ATG4C: variants seen among roughly 807,000 people sequenced by gnomAD.
ATG4C encodes autophagy related 4C cysteine peptidase.
Under a neutral mutation model 57.6 loss-of-function variants are expected in ATG4C, and 56 were observed. The ratio of observed to expected loss-of-function variants is 0.97; its 90% CI spans 0.78 to 1.21. ATG4C has a LOEUF of 1.21. ATG4C is among the 50% of genes most tolerant of loss of function. The probability of loss-of-function intolerance (pLI) is 0.00; values close to 1 mark genes in which losing one functional copy is unlikely to be tolerated. For missense variants in ATG4C, 595 were observed against 529.8 expected, an observed-to-expected ratio of 1.12 and a Z score of -1.21; for synonymous variants, 157 against 174.1, an observed-to-expected ratio of 0.90 and a Z score of 0.78.
At chr1:62,841,038 T>C (rs1360516188) in intron 9 of ATG4C, among the ~76,000 whole-genome samples, 1 of 152,208 alleles carries the variant, frequency 6.6e-6, no homozygotes, top group African/African-American at 2.4e-5. Flanking sequence ...TTATAAACAT[T>C]AACCCAAAAT....
At chr1:62,825,255 G>T (rs1318943538) in intron 6 of ATG4C, among the ~76,000 whole-genome samples, 1 of 140,012 alleles carries the variant, frequency 7.1e-6, no homozygotes, top group African/African-American at 2.7e-5. Flanking sequence ...AAAAAAAAAA[G>T]CATGAGCCGT....
chr1:62,828,075 G>T (rs7512529), intron 6 of ATG4C, among the ~76,000 whole-genome samples: 2 of 151,894 alleles, frequency 1.3e-5, no homozygotes, highest in African/African-American at 4.8e-5. Flanking sequence ...GGTTGATTCT[G>T]TGTCTTTGCT....
intron 10 of ATG4C, among the ~76,000 whole-genome samples, chr1:62,857,725 G>A (rs974509308): frequency 1.3e-5 from 2 of 151,942 alleles, no homozygotes; most frequent in African/African-American, 4.8e-5. Context: ...CACATGAGCC[G>A]GTTTTATTTT....
At chr1:62,846,939 G>T (rs1666342121) in intron 10 of ATG4C, among the ~76,000 whole-genome samples, 1 of 152,188 alleles carries the variant, frequency 6.6e-6, no homozygotes, top group South Asian at 2.1e-4. Context: ...CACTTTGGGA[G>T]GTCGAGGTGG....
chr1:62,803,092 C>T (rs1164450454), intron 1 of ATG4C, among the ~76,000 whole-genome samples: 1 of 152,148 alleles, frequency 6.6e-6, no homozygotes, highest in Non-Finnish European at 1.5e-5. Flanking sequence ...AGTAATAAAA[C>T]AGACACTTAT....
intron 3 of ATG4C, among the ~76,000 whole-genome samples, chr1:62,806,575 T>G (rs911121166): frequency 1.1e-4 from 16 of 152,026 alleles, no homozygotes; most frequent in Non-Finnish European, 1.6e-4. Context: ...AAGTAAATGA[T>G]AAAGAAGCTA....
At chr1:62,851,385 C>A (rs1452033514) in intron 10 of ATG4C, among the ~76,000 whole-genome samples, 1 of 152,116 alleles carries the variant, frequency 6.6e-6, no homozygotes, top group African/African-American at 2.4e-5. Context: ...CCAAAGAATA[C>A]CTCCTCAGGT....
chr1:62,838,204 T>C (rs751616206), intron 9 of ATG4C, among the ~76,000 whole-genome samples: 2 of 152,134 alleles, frequency 1.3e-5, no homozygotes, highest in Non-Finnish European at 2.9e-5. Context: ...TAAATGGGAA[T>C]TGATTCTCTC....
At chr1:62,850,134 A>G (rs1666459096) in intron 10 of ATG4C, among the ~76,000 whole-genome samples, 2 of 152,196 alleles carry the variant, frequency 1.3e-5, no homozygotes, top group African/African-American at 2.4e-5. Context: ...TTTGGTTACT[A>G]AATAAATGAC....
At position 62,818,871 on chromosome 1, in the gene ATG4C, T is replaced by C. The variant is rs186069096; in HGVS notation, c.395-134T>C. The C allele has an allele frequency of 4.0e-4, 264 of 663,504 alleles. No homozygotes were observed. In the African/African-American group the frequency reaches 4.5e-3, roughly 11 times the overall value. The allele number at this position is 663,504 out of a possible 1,614,324, so 41.1% of individuals were successfully genotyped here. ...AGCAACCATTAATCTACTTTTTGTTTCCATGTATTTACCTATTTTTGAATT... is the reference window on the plus strand; with the variant it reads ...AGCAACCATTAATCTACTTTTTGTTCCCATGTATTTACCTATTTTTGAATT... On this transcript the variant is annotated intron_variant, in intron 4 of 10. Transcript: ENST00000317868.
At chr1:62,812,318 T>TA (rs1665113869) in intron 3 of ATG4C, among the ~76,000 whole-genome samples, 1 of 152,162 alleles carries the variant, frequency 6.6e-6, no homozygotes, top group African/African-American at 2.4e-5. Flanking sequence ...TGGTTCAACA[T>TA]ACACAAATCA....
intron 9 of ATG4C, among the ~76,000 whole-genome samples, chr1:62,838,597 G>C (rs551724478): frequency 3.0e-4 from 46 of 152,142 alleles, no homozygotes; most frequent in African/African-American, 1.1e-3. Context: ...GGCCAACATG[G>C]TGAAACCCCG....
At chr1:62,785,886 G>GA (rs1227495249) in intron 1 of ATG4C, among the ~76,000 whole-genome samples, 1 of 151,772 alleles carries the variant, frequency 6.6e-6, no homozygotes, top group Non-Finnish European at 1.5e-5. Context: ...ATTTTTTATT[G>GA]AAAAAAATGA....
chr1:62,846,183 C>T (rs1666321454), intron 10 of ATG4C, among the ~76,000 whole-genome samples: 1 of 152,158 alleles, frequency 6.6e-6, no homozygotes, highest in Non-Finnish European at 1.5e-5. Flanking sequence ...GTCCATTGGT[C>T]GAATCTCAGA....
intron 5 of ATG4C, among the ~76,000 whole-genome samples, chr1:62,820,596 T>C (rs1484802636): frequency 1.3e-5 from 2 of 152,118 alleles, no homozygotes; most frequent in Non-Finnish European, 2.9e-5. Context: ...TTGAGAACAT[T>C]ATACTTAGGA....
chr1:62,847,980 C>G (rs1047575062), intron 10 of ATG4C, among the ~76,000 whole-genome samples: 5 of 152,164 alleles, frequency 3.3e-5, no homozygotes, highest in African/African-American at 1.2e-4. Flanking sequence ...GTCTAATCTT[C>G]TATTAATAAT....
rs1220586353 is a variant in ATG4C, at chr1:62,803,714, TA to T, written c.-68-2del. 10 of 1,040,932 alleles carry T rather than the reference TA, an allele frequency of 9.6e-6. No homozygotes were observed. Among genetic ancestry groups the T allele is most frequent in the Non-Finnish European group, 1.4e-5 (10 of 712,140 alleles). The allele number at this position is 1,040,932 out of a possible 1,614,324, so 64.5% of individuals were successfully genotyped here. A position where few individuals can be genotyped will look rare whatever the true frequency, so the allele number is the denominator to read the frequency against. On this transcript the variant is annotated splice_polypyrimidine_tract_variant and splice_region_variant and intron_variant, in intron 1 of 10. Transcript: ENST00000317868. ...ATTACTGATTTTTTTCCTTAATTTT[TA>T]AAGTCAGTATAAAAGATTAAACTCT...
intron 3 of ATG4C, among the ~76,000 whole-genome samples, chr1:62,814,857 G>A (rs1200068421): frequency 1.3e-5 from 2 of 152,150 alleles, no homozygotes; most frequent in Non-Finnish European, 2.9e-5. Context: ...TTGAGGCCGG[G>A]TGTTTGAGAA....
At chr1:62,850,845 T>C (rs1199154010) in intron 10 of ATG4C, among the ~76,000 whole-genome samples, 1 of 39,218 alleles carries the variant, frequency 2.5e-5, no homozygotes, top group Non-Finnish European at 5.1e-5. Flanking sequence ...TGTATGTGTG[T>C]GTATGTATGT....
Sources: gnomAD v4.1 joint callset for allele counts (sites outside exome capture counted in the v4.1 genomes callset) on GRCh38, gnomAD v4.1.1 for gene constraint, MANE v1.5 for transcripts, NCBI Gene and HGNC (gene_info 2026-07-23, HGNC 2026-07-21) for gene names.